LRRK1: variants seen among roughly 807,000 people sequenced by gnomAD.
LRRK1 encodes the protein leucine-rich repeat serine/threonine-protein kinase 1.
A neutral mutation model predicts 209.1 loss-of-function variants in LRRK1; 113 were observed. The observed-to-expected ratio is 0.54, with a 90% CI of 0.46 to 0.63. The LOEUF (loss-of-function observed/expected upper bound fraction) is 0.63. Ranked by LOEUF, LRRK1 falls within the 30% of genes least tolerant of loss-of-function variation. LRRK1 has a pLI of 0.00. For missense variants in LRRK1, 2,284 were observed against 2,632.2 expected (o/e 0.87, Z 2.89); for synonymous variants, 1,144 against 1,099.7 (o/e 1.04, Z -0.80).
intron 6 of LRRK1, 144 bp downstream of exon 6, chr15:100,989,542 G>A: frequency 1.2e-6 from 1 of 822,010 alleles, no homozygotes; most frequent in Non-Finnish European, 1.9e-6. Context: ...CATAGTGCTG[G>A]TATCTGGTGA....
chr15:101,028,847 C>A, intron 19 of LRRK1, 109 bp from the exon 20 acceptor site: 1 of 1,212,902 alleles, frequency 8.2e-7, no homozygotes, highest in Non-Finnish European at 1.2e-6. Context: ...ATGTTGGTTT[C>A]TTCTCAGGAA....
intron 11 of LRRK1, 53 bp downstream of exon 11, chr15:101,014,481 G>A (rs537679202): frequency 1.1e-5 from 13 of 1,177,892 alleles, no homozygotes; most frequent in African/African-American, 9.1e-5. Flanking sequence ...GTGGGGCCAC[G>A]GTCGAGCAGG....
At chr15:100,955,929 G>T (rs940591748) in intron 2 of LRRK1, among the ~76,000 whole-genome samples, 8 of 152,130 alleles carry the variant, frequency 5.3e-5, no homozygotes, top group African/African-American at 1.9e-4. Context: ...AGTTCAGCAG[G>T]GATATTGGTC....
At chr15:100,998,351 T>C (rs2141679549) in intron 6 of LRRK1, among the ~76,000 whole-genome samples, 1 of 152,136 alleles carries the variant, frequency 6.6e-6, no homozygotes, top group East Asian at 1.9e-4. Context: ...ACCCTGCAGA[T>C]CCCCACACAA....
At chr15:100,952,881 G>A (rs986510550) in intron 2 of LRRK1, among the ~76,000 whole-genome samples, 2 of 152,016 alleles carry the variant, frequency 1.3e-5, no homozygotes, top group African/African-American at 4.8e-5. Flanking sequence ...CTTTAAGCAA[G>A]ATCTTTTAAC....
chr15:101,008,842 C>G lies in LRRK1; in HGVS notation c.768C>G (p.Leu256=), dbSNP rs2033103622. ...LPSSYPGKTA[L]RVKWSHLRLP... ...TCCTTTCTTTCCACCACCAGGCTCTCCGTGTGAAATGGTCCCATCTCAGAC... is the reference window on the plus strand; with the variant it reads ...TCCTTTCTTTCCACCACCAGGCTCTGCGTGTGAAATGGTCCCATCTCAGAC... Residue 256 remains leucine, a synonymous_variant, in exon 7 of 34, where the codon CTC becomes CTG. Transcript: ENST00000388948. The G allele has an allele frequency of 1.2e-6, 2 of 1,612,882 alleles. No individual in the cohort carries two copies. Among genetic ancestry groups the G allele is most frequent in the Non-Finnish European group, 1.7e-6 (2 of 1,178,810 alleles).
chr15:100,990,595 A>G (rs1477922258), intron 6 of LRRK1, among the ~76,000 whole-genome samples: 1 of 152,156 alleles, frequency 6.6e-6, no homozygotes, highest in Non-Finnish European at 1.5e-5. Context: ...TTATATTAGT[A>G]ATAATACTGG....
At chr15:101,018,352 C>T (rs1395025059) in intron 12 of LRRK1, among the ~76,000 whole-genome samples, 1 of 152,104 alleles carries the variant, frequency 6.6e-6, no homozygotes, top group Non-Finnish European at 1.5e-5. Context: ...AAATGAAGAG[C>T]CTTAGGACTG....
intron 2 of LRRK1, among the ~76,000 whole-genome samples, chr15:100,937,460 C>T (rs995987453): frequency 1.4e-4 from 21 of 151,924 alleles, no homozygotes; most frequent in African/African-American, 3.9e-4. Context: ...TCTTTAGCTA[C>T]GTGGAACTTT....
intron 31 of LRRK1, among the ~76,000 whole-genome samples, 198 bp downstream of exon 31, chr15:101,062,888 G>C (rs1006797102): frequency 6.6e-6 from 1 of 152,176 alleles, no homozygotes; most frequent in African/African-American, 2.4e-5. Flanking sequence ...AAAAACCTAA[G>C]TCAAGTCCCC....
chr15:101,014,226 G>A lies in LRRK1; in HGVS notation c.1420-90G>A, dbSNP rs149643696. Reference sequence around the variant, plus strand: ...ATTGGTTGGAATCGTTTGACTGCGCGTGGTTGGGAACTGACTGGCTCTTCA... The same window carrying A: ...ATTGGTTGGAATCGTTTGACTGCGCATGGTTGGGAACTGACTGGCTCTTCA... On this transcript the variant is annotated intron_variant, in intron 10 of 33. Transcript: ENST00000388948. 2.7e-4 allele frequency: 244 copies of A among 888,016 alleles called. No individual in the cohort carries two copies. The African/African-American group carries it at 3.0e-3, about 11-fold the overall frequency. 55.0% of individuals were successfully genotyped at this position (888,016 alleles called of 1,614,324 possible). A position where few individuals can be genotyped will look rare whatever the true frequency, so the allele number is the denominator to read the frequency against.
rs2036795253 is a variant in LRRK1, at chr15:101,071,292, G to A, written c.*2444G>A. ...CACTTACCACCCTCATGTTGGCAGAGGGTGGTAACCAGCCAGCATCTCCTT... is the reference window on the plus strand; with the variant it reads ...CACTTACCACCCTCATGTTGGCAGAAGGTGGTAACCAGCCAGCATCTCCTT... On this transcript the variant is annotated 3_prime_UTR_variant, in exon 34 of 34. Coordinates refer to ENST00000388948, the MANE Select transcript of LRRK1 (RefSeq NM_024652.6). 6.6e-6 allele frequency: 1 copy of A among 152,242 alleles called. No homozygotes were observed. The highest frequency in any genetic ancestry group is 2.1e-4 in the South Asian group (1 of 4,834). The allele number at this position is 152,242 out of a possible 1,614,324, so 9.4% of individuals were successfully genotyped here.
At chr15:101,068,193 T>C (rs1416574054) in intron 33 of LRRK1, among the ~76,000 whole-genome samples, 1 of 152,202 alleles carries the variant, frequency 6.6e-6, no homozygotes, top group African/African-American at 2.4e-5. Flanking sequence ...GTGATGACTT[T>C]GGGGCAGTAG....
At chr15:100,931,458 A>G (rs1045330772) in intron 2 of LRRK1, among the ~76,000 whole-genome samples, 1 of 152,240 alleles carries the variant, frequency 6.6e-6, no homozygotes, top group Admixed American at 6.5e-5. Flanking sequence ...CCATGTTACG[A>G]TGCAAATTTG....
chr15:100,941,336 CTGTGTGTGTCTT>C (rs2042409421), intron 2 of LRRK1, among the ~76,000 whole-genome samples: 1 of 69,110 alleles, frequency 1.4e-5, no homozygotes, highest in Non-Finnish European at 2.6e-5. Context: ...GTCTGTGTCT[CTGTGTGTGTCTT>C]TGTGTGTGTG....
At position 101,053,201 on chromosome 15, in the gene LRRK1, G is replaced by A. The variant is rs763976707; in HGVS notation, c.3857-22G>A. The A allele has an allele frequency of 1.2e-5, 19 of 1,600,516 alleles. No homozygotes were observed. The East Asian group carries it at 4.0e-4, about 34-fold the overall frequency. On this transcript the variant is annotated intron_variant, in intron 25 of 33. Coordinates refer to ENST00000388948, the MANE Select transcript of LRRK1 (RefSeq NM_024652.6). ...GCAGGCACCCCATGTCCTACTGGCTGACACTGCGCTGTCCCTGGCAGACAC... is the reference window on the plus strand; with the variant it reads ...GCAGGCACCCCATGTCCTACTGGCTAACACTGCGCTGTCCCTGGCAGACAC...
intron 2 of LRRK1, among the ~76,000 whole-genome samples, chr15:100,936,991 A>G (rs2042310434): frequency 1.3e-5 from 2 of 152,232 alleles, no homozygotes; most frequent in Non-Finnish European, 1.5e-5. Context: ...AAGAAGCAGA[A>G]TACATCACTT....
intron 2 of LRRK1, 43 bp downstream of exon 2, chr15:100,924,772 C>A: frequency 7.0e-7 from 1 of 1,435,552 alleles, no homozygotes; most frequent in Non-Finnish European, 9.8e-7. Flanking sequence ...GTGTGACCTG[C>A]CATGCTCATC....
chr15:101,027,878 TAATG>T lies in LRRK1; in HGVS notation c.2686+87_2686+90del. On this transcript the variant is annotated intron_variant, in intron 19 of 33. Coordinates refer to ENST00000388948, the MANE Select transcript of LRRK1 (RefSeq NM_024652.6). This position sits in a 1 kb window ranked among gnomAD's most constrained non-coding sequence, Gnocchi z 5.1. ...CTTGCTAACTTCAGCTTGGCCTCAG[TAATG>T]AATGAGAGACCGACACCCAGCCTGC... 1 of 1,332,530 alleles carries T rather than the reference TAATG, an allele frequency of 7.5e-7. No individual in the cohort carries two copies. Among genetic ancestry groups the T allele is most frequent in the Non-Finnish European group, 1.0e-6 (1 of 980,642 alleles). The allele number at this position is 1,332,530 out of a possible 1,614,324, so 82.5% of individuals were successfully genotyped here. A position where few individuals can be genotyped will look rare whatever the true frequency, so the allele number is the denominator to read the frequency against.
Sources: allele counts gnomAD v4.1 joint callset (sites outside exome capture counted in the v4.1 genomes callset), GRCh38; gene constraint gnomAD v4.1.1; non-coding constraint Gnocchi (gnomAD v3.1); transcripts MANE v1.5; gene names NCBI Gene and HGNC (gene_info 2026-07-23, HGNC 2026-07-21).